Variants in PIWIL2 observed in about 807,000 individuals in gnomAD.
PIWIL2 encodes the protein piwi like RNA-mediated gene silencing 2.
Under a neutral mutation model 116.5 loss-of-function variants are expected in PIWIL2, and 81 were observed. That is an observed-to-expected ratio of 0.70 (90% CI 0.58 to 0.84). The LOEUF is 0.84. Ranked by LOEUF, PIWIL2 falls within the 40% of genes least tolerant of loss-of-function variation. The pLI is 0.00. For synonymous variants in PIWIL2, 489 were observed against 429.5 expected (o/e 1.14, Z -1.71); for missense variants, 1,272 against 1,212.3 (o/e 1.05, Z -0.73).
At chr8:22,300,145 G>T (rs929234175) in intron 10 of PIWIL2, among the ~76,000 whole-genome samples, 3 of 151,842 alleles carry the variant, frequency 2.0e-5, no homozygotes, top group African/African-American at 4.8e-5. Context: ...TGCCCAGGCC[G>T]GTCTTGAACT....
At position 22,314,407 on chromosome 8, in the gene PIWIL2, T is replaced by C; in HGVS notation, c.2069T>C (p.Val690Ala). The C allele has an allele frequency of 6.3e-7, 1 of 1,582,606 alleles. No individual in the cohort carries two copies. The highest frequency in any genetic ancestry group is 8.6e-7 in the Non-Finnish European group (1 of 1,162,602). ...GGGGCCATCAAGAAGCTGTGCTGTG[T>C]GCAGTCCCCAGTGCCCTCCCAGGTG... Reference protein sequence around the residue: ...LYGAIKKLCCVQSPVPSQVVN... With the variant: ...LYGAIKKLCCAQSPVPSQVVN... Residue 690 changes from valine to alanine, a missense_variant, in exon 17 of 23, where the codon GTG (valine) becomes GCG (alanine). Val to Ala is a moderately conservative substitution (Grantham distance 64). Coordinates refer to ENST00000356766, the MANE Select transcript of PIWIL2 (RefSeq NM_018068.5).
chr8:22,298,747 T>C (rs2132019798), intron 10 of PIWIL2, among the ~76,000 whole-genome samples: 1 of 152,362 alleles, frequency 6.6e-6, no homozygotes, highest in South Asian at 2.1e-4. Flanking sequence ...CTATTGGTCT[T>C]CTATAGAATA....
At chr8:22,302,312 G>C (rs1362205263) in intron 10 of PIWIL2, among the ~76,000 whole-genome samples, 1 of 151,954 alleles carries the variant, frequency 6.6e-6, no homozygotes, top group Non-Finnish European at 1.5e-5. Flanking sequence ...CTTCTGAGTA[G>C]CTGGGACTAC....
intron 21 of PIWIL2, 77 bp downstream of exon 21, chr8:22,353,289 G>A: frequency 1.5e-6 from 2 of 1,302,518 alleles, no homozygotes; most frequent in South Asian, 1.4e-5. Context: ...TTGGAATGGG[G>A]AGGTTTCCTG....
chr8:22,346,344 G>C (rs1417572141), intron 20 of PIWIL2, among the ~76,000 whole-genome samples: 1 of 152,158 alleles, frequency 6.6e-6, no homozygotes, highest in East Asian at 1.9e-4. Flanking sequence ...AGTTCCCGTG[G>C]TGGAATCAGC....
intron 20 of PIWIL2, among the ~76,000 whole-genome samples, chr8:22,327,369 G>C (rs925698603): frequency 1.7e-5 from 2 of 117,600 alleles, no homozygotes; most frequent in African/African-American, 6.3e-5. Flanking sequence ...TTTTTGTTTC[G>C]TTTTTTTTTT....
At chr8:22,323,426 A>G (rs996080156) in intron 20 of PIWIL2, among the ~76,000 whole-genome samples, 8 of 152,022 alleles carry the variant, frequency 5.3e-5, no homozygotes, top group African/African-American at 9.7e-5. Flanking sequence ...GATTATAGGC[A>G]TGAGCTACCG....
rs117613552 is a variant in PIWIL2 at position 22,325,877 on chromosome 8, G to T, written c.2403+7602G>T. On this transcript the variant is annotated intron_variant, in intron 20 of 22. Transcript: ENST00000356766. ...AGTAAGTAAGTGTCTGCTCATGTCA[G>T]GCACTGTCACAGCCTCCTGGGACTA... Among the ~76,000 whole-genome samples, 7 of 152,272 alleles carry T rather than the reference G, an allele frequency of 4.6e-5. No individual in the cohort carries two copies. The East Asian group carries it at 1.4e-3, about 29-fold the overall frequency.
chr8:22,293,337 C>CT (rs1554498707), intron 10 of PIWIL2, among the ~76,000 whole-genome samples: 46 of 150,028 alleles, frequency 3.1e-4, no homozygotes, highest in African/African-American at 8.1e-4. Flanking sequence ...TTTTATTTTC[C>CT]TTTTTTTTTT....
Position 22,318,357 on chromosome 8 carries a change from G to A in PIWIL2, c.2403+82G>A, listed in dbSNP as rs181736964. On this transcript the variant is annotated intron_variant, in intron 20 of 22. Coordinates refer to ENST00000356766, the MANE Select transcript of PIWIL2 (RefSeq NM_018068.5). ...TTTGAGACAGAGTCTCACTCTTGTC[G>A]CCCAGGTTGGAGTGCAGTGGTGCGA... 1.3e-3 allele frequency: 1,015 copies of A among 769,402 alleles called. 8 individuals are homozygous for A. In the African/African-American group the frequency reaches 0.015, roughly 11 times the overall value. The allele number at this position is 769,402 out of a possible 1,614,324, so 47.7% of individuals were successfully genotyped here. A position where few individuals can be genotyped will look rare whatever the true frequency, so the allele number is the denominator to read the frequency against.
At chr8:22,353,607 C>T (rs576541172) in intron 21 of PIWIL2, among the ~76,000 whole-genome samples, 9 of 152,138 alleles carry the variant, frequency 5.9e-5, no homozygotes, top group Admixed American at 4.6e-4. Context: ...CACTGTAATC[C>T]AGCCTGGGCA....
chr8:22,279,277 G>A, intron 1 of PIWIL2, 64 bp from the exon 2 acceptor site: 1 of 840,208 alleles, frequency 1.2e-6, no homozygotes, highest in Non-Finnish European at 2.0e-6. Context: ...TTAATGCTTT[G>A]TGAGTGTGTC....
chr8:22,323,466 G>A (rs570833845), intron 20 of PIWIL2, among the ~76,000 whole-genome samples: 8 of 152,230 alleles, frequency 5.3e-5, no homozygotes, highest in African/African-American at 1.7e-4. Flanking sequence ...TCTTGACCTC[G>A]TGATCCACCC....
chr8:22,306,729 T>G (rs1831190537), intron 13 of PIWIL2, among the ~76,000 whole-genome samples: 1 of 152,146 alleles, frequency 6.6e-6, no homozygotes, highest in African/African-American at 2.4e-5. Flanking sequence ...AGCTCCAAAT[T>G]CCTATGAGAG....
rs906636208 is a variant in PIWIL2 at position 22,279,719 on chromosome 8, G to A, written c.198+135G>A. ...TGTAATCCCAGCACTTTGGGAGGCC[G>A]AGGCAGGTGGATCATCTGAGGTCGG... On this transcript the variant is annotated intron_variant, in intron 2 of 22. Coordinates refer to ENST00000356766, the MANE Select transcript of PIWIL2 (RefSeq NM_018068.5). 9.7e-5 allele frequency: 71 copies of A among 734,676 alleles called. 1 individual carries two copies. Among genetic ancestry groups the A allele is most frequent in the South Asian group, 1.7e-4 (10 of 58,566 alleles). The allele number at this position is 734,676 out of a possible 1,614,324, so 45.5% of individuals were successfully genotyped here.
intron 6 of PIWIL2, among the ~76,000 whole-genome samples, chr8:22,285,558 A>G (rs928027686): frequency 7.2e-5 from 11 of 152,158 alleles, no homozygotes; most frequent in Non-Finnish European, 1.3e-4. Context: ...ACTGATTTCA[A>G]TTCCTTTGGA....
Position 22,303,345 on chromosome 8 carries a change from A to G in PIWIL2, c.1182-676A>G, listed in dbSNP as rs917928236. ...TGAGACTCTATGTCCACATTTTGCA[A>G]CTTTCTATGATTTGATGAGTATTTC... On this transcript the variant is annotated intron_variant, in intron 10 of 22. Transcript: ENST00000356766. 5.3e-4 allele frequency among the ~76,000 whole-genome samples: 80 copies of G among 152,218 alleles called. 2 individuals carry two copies. The highest frequency in any genetic ancestry group is 1.8e-3 in the African/African-American group (76 of 41,446).
intron 17 of PIWIL2, among the ~76,000 whole-genome samples, 154 bp downstream of exon 17, chr8:22,314,583 C>G (rs1244347607): frequency 6.6e-6 from 1 of 152,194 alleles, no homozygotes; most frequent in Non-Finnish European, 1.5e-5. Flanking sequence ...TTAGAGCAAC[C>G]TGGCAAAGAG....
chr8:22,339,578 GCAC>G (rs1472675814), intron 20 of PIWIL2, among the ~76,000 whole-genome samples: 5 of 152,032 alleles, frequency 3.3e-5, no homozygotes, highest in Admixed American at 3.3e-4. Flanking sequence ...TTAATATTAG[GCAC>G]CAGTTGATTA....
Sources: allele counts gnomAD v4.1 joint callset (sites outside exome capture counted in the v4.1 genomes callset), GRCh38; gene constraint gnomAD v4.1.1; transcripts MANE v1.5; gene names NCBI Gene and HGNC (gene_info 2026-07-23, HGNC 2026-07-21).